Variants in HSD3B2 observed in about 807,000 individuals in gnomAD.
The protein encoded by HSD3B2 is hydroxy-delta-5-steroid dehydrogenase, 3 beta- and steroid delta-isomerase 2, also known as 3 beta-hydroxysteroid dehydrogenase/Delta 5-->4-isomerase type 2.
In HSD3B2, 8 loss-of-function variants were observed where a neutral mutation model predicts 9.9. That is an observed-to-expected ratio of 0.81 (90% CI 0.47 to 1.46). HSD3B2 has a LOEUF of 1.46. HSD3B2 is among the 40% of genes most tolerant of loss of function. The pLI, the probability that HSD3B2 is intolerant of heterozygous loss-of-function variation, is 0.00. For synonymous variants in HSD3B2, 221 were observed against 184.5 expected (o/e 1.20, Z -1.60); for missense variants, 410 against 448.3 (o/e 0.91, Z 0.77).
At chr1:119,421,445 ATATATATG>A (rs1190402906) in intron 3 of HSD3B2, among the ~76,000 whole-genome samples, 7 of 11,486 alleles carry the variant, frequency 6.1e-4, no homozygotes, top group African/African-American at 3.1e-3. Context: ...ATATATGTAT[ATATATATG>A]TATATATATA....
Position 119,422,020 on chromosome 1 carries a change from A to G in HSD3B2, c.519A>G (p.Leu173=). 6.2e-7 allele frequency: 1 copy of G among 1,614,084 alleles called. No homozygotes were observed. The highest frequency in any genetic ancestry group is 8.5e-7 in the Non-Finnish European group (1 of 1,179,986). Residue 173 remains leucine, a synonymous_variant, in exon 4 of 4, where the codon CTA becomes CTG. Coordinates refer to ENST00000369416, the MANE Select transcript of HSD3B2 (RefSeq NM_000198.4). Reference sequence around the variant, plus strand: ...TGCTGGCGGCTAATGGGTGGAATCTAAAAAATGGTGATACCTTGTACACTT... The same window carrying G: ...TGCTGGCGGCTAATGGGTGGAATCTGAAAAATGGTGATACCTTGTACACTT... ...KAVLAANGWN[L]KNGDTLYTCA... is the part of the protein sequence containing the mutation.
chr1:119,415,202 G>A lies in HSD3B2; in HGVS notation c.-90G>A, dbSNP rs892246244. On this transcript the variant is annotated splice_region_variant and 5_prime_UTR_variant, in exon 1 of 4. Coordinates refer to ENST00000369416, the MANE Select transcript of HSD3B2 (RefSeq NM_000198.4). ...TCCAGCTTTTAACAATCTAAGTTAC[G>A]GTTAGAGCTTTCTCCTTTTCTTTCA... 24 of 539,654 alleles carry A rather than the reference G, an allele frequency of 4.4e-5. No homozygotes were observed. In the East Asian group the frequency reaches 5.0e-4, roughly 11 times the overall value. 33.4% of individuals were successfully genotyped at this position (539,654 alleles called of 1,614,324 possible).
At chr1:119,421,411 ATATATG>A (rs1184514203) in intron 3 of HSD3B2, among the ~76,000 whole-genome samples, 14 of 32,890 alleles carry the variant, frequency 4.3e-4, no homozygotes, top group African/African-American at 2.6e-3. Flanking sequence ...ATGTATATAT[ATATATG>A]TATATATATG....
At position 119,419,433 on chromosome 1, in the gene HSD3B2, C is replaced by T; in HGVS notation, c.158C>T (p.Thr53Ile). 1 of 1,613,730 alleles carries T rather than the reference C, an allele frequency of 6.2e-7. No individual in the cohort carries two copies. The highest frequency in any genetic ancestry group is 8.5e-7 in the Non-Finnish European group (1 of 1,179,768). Reference protein sequence around the residue: ...REEFSKLQNRTKLTVLEGDIL... With the variant: ...REEFSKLQNRIKLTVLEGDIL... ...GTTCACACAGAGCTCCAGAACAGGA[C>T]CAAGCTGACTGTACTTGAAGGAGAC... Residue 53 changes from threonine to isoleucine, a missense_variant, in exon 3 of 4, where the codon ACC becomes ATC. Coordinates refer to ENST00000369416, the MANE Select transcript of HSD3B2 (RefSeq NM_000198.4).
At position 119,422,654 on chromosome 1, in the gene HSD3B2, G is replaced by A; in HGVS notation, c.*34G>A. 1.2e-6 allele frequency: 2 copies of A among 1,610,718 alleles called. No individual in the cohort carries two copies. Among genetic ancestry groups the A allele is most frequent in the Non-Finnish European group, 1.7e-6 (2 of 1,179,022 alleles). ...TGACAGAGATGTGCATGTGGGTATTGTTAGGAAATGTCATCAAACTCCACC... is the reference window on the plus strand; with the variant it reads ...TGACAGAGATGTGCATGTGGGTATTATTAGGAAATGTCATCAAACTCCACC... On this transcript the variant is annotated 3_prime_UTR_variant, in exon 4 of 4. Coordinates refer to ENST00000369416, the MANE Select transcript of HSD3B2 (RefSeq NM_000198.4).
chr1:119,415,241 G>A, intron 1 of HSD3B2, 39 bp downstream of exon 1: 2 of 648,782 alleles, frequency 3.1e-6, no homozygotes, highest in Non-Finnish European at 5.6e-6. Flanking sequence ...ACTCCTGGCA[G>A]TTGTGGGGTC....
At chr1:119,415,668 G>T in intron 2 of HSD3B2, 107 bp downstream of exon 2, 1 of 1,174,486 alleles carries the variant, frequency 8.5e-7, no homozygotes, top group African/African-American at 1.5e-5. Flanking sequence ...CCAAATGAAA[G>T]CCAGTCACAC....
In HSD3B2 at chr1:119,422,203, G is replaced by A; in HGVS notation, c.702G>A (p.Leu234=). The change falls in exon 4 of 4, where the codon CTG becomes CTA. Residue 234 remains leucine, a synonymous_variant. Coordinates refer to ENST00000369416, the MANE Select transcript of HSD3B2 (RefSeq NM_000198.4). Reference sequence around the variant, plus strand: ...GCAACGTGGCCTGGGCCCACATTCTGGCCTTGAGGGCTCTGCGGGACCCCA... The same window carrying A: ...GCAACGTGGCCTGGGCCCACATTCTAGCCTTGAGGGCTCTGCGGGACCCCA... ...YVGNVAWAHI[L]ALRALRDPKK... 1 of 1,614,100 alleles carries A rather than the reference G, an allele frequency of 6.2e-7. No homozygotes were observed. Among genetic ancestry groups the A allele is most frequent in the Non-Finnish European group, 8.5e-7 (1 of 1,180,014 alleles).
In HSD3B2 at chr1:119,422,493, A is replaced by T. The variant is rs766077589; in HGVS notation, c.992A>T (p.Lys331Met). 1.2e-6 allele frequency: 2 copies of T among 1,613,960 alleles called. No individual in the cohort carries two copies. Among genetic ancestry groups the T allele is most frequent in the African/African-American group, 2.7e-5 (2 of 74,910 alleles). ...AATAGTGTGTTCACCTTCTCTTACA[A>T]GAAGGCTCAGCGAGATCTGGCGTAT... The part of the protein sequence containing the change: ...LSNSVFTFSY[K>M]KAQRDLAYKP... The change falls in exon 4 of 4, where the codon AAG becomes ATG. Residue 331 changes from lysine to methionine, a missense_variant. Coordinates refer to ENST00000369416, the MANE Select transcript of HSD3B2 (RefSeq NM_000198.4).
chr1:119,420,506 G>T (rs1048039133), intron 3 of HSD3B2, among the ~76,000 whole-genome samples: 1 of 152,088 alleles, frequency 6.6e-6, no homozygotes, highest in Non-Finnish European at 1.5e-5. Flanking sequence ...AGAGTGAATA[G>T]TTTTTTGTTT....
intron 3 of HSD3B2, chr1:119,419,968 C>G: frequency 6.2e-6 from 2 of 320,890 alleles, no homozygotes; most frequent in South Asian, 5.8e-5. Context: ...AGAATCAGAC[C>G]TTCCAGGTGC....
Position 119,422,114 on chromosome 1 carries a change from C to A in HSD3B2, c.613C>A (p.Leu205Met), listed in dbSNP as rs138811555. 6.2e-7 allele frequency: 1 copy of A among 1,614,092 alleles called. No homozygotes were observed. The highest frequency in any genetic ancestry group is 1.7e-5 in the Admixed American group (1 of 60,016). ...CCTTTCTGCCAGTATAAATGAGGCC[C>A]TGAACAACAATGGGATCCTGTCAAG... ...PFLSASINEA[L>M]NNNGILSSVG... is the part of the protein sequence containing the mutation. Residue 205 changes from leucine (L) to methionine (M), a missense_variant, in exon 4 of 4, where the codon CTG becomes ATG. Physicochemically the swap from Leu to Met is conservative, Grantham distance 15. Transcript: ENST00000369416.
chr1:119,421,391 GTATA>G (rs1170102410), intron 3 of HSD3B2, among the ~76,000 whole-genome samples: 1 of 110,796 alleles, frequency 9.0e-6, no homozygotes, highest in Non-Finnish European at 1.8e-5. Context: ...ATATATATAT[GTATA>G]TATATATGTA....
chr1:119,417,891 C>G (rs895454462), intron 2 of HSD3B2, among the ~76,000 whole-genome samples: 5 of 152,148 alleles, frequency 3.3e-5, no homozygotes, highest in South Asian at 4.1e-4. Flanking sequence ...AGAAAATTGA[C>G]TTTAGATCTG....
intron 1 of HSD3B2, 56 bp from the exon 2 acceptor site, chr1:119,415,275 G>T: frequency 3.7e-6 from 3 of 801,510 alleles, no homozygotes; most frequent in Non-Finnish European, 6.4e-6. Flanking sequence ...AAAAAATGGG[G>T]TGGAGGAAAA....
chr1:119,417,116 G>C (rs763752899), intron 2 of HSD3B2, among the ~76,000 whole-genome samples: 1 of 152,154 alleles, frequency 6.6e-6, no homozygotes, highest in African/African-American at 2.4e-5. Context: ...GACACAGAGA[G>C]GTTAATCAAC....
Position 119,422,564 on chromosome 1 carries a change from T to C in HSD3B2, c.1063T>C (p.Trp355Arg), listed in dbSNP as rs1651921044. The change falls in exon 4 of 4, where the codon TGG becomes CGG. Residue 355 changes from tryptophan (W) to arginine (R), a missense_variant. Physicochemically the swap from Trp to Arg is moderately radical, Grantham distance 101 (BLOSUM62 -3). Coordinates refer to ENST00000369416, the MANE Select transcript of HSD3B2 (RefSeq NM_000198.4). The stretch of plus-strand genomic sequence containing the variant: ...GGAAGCCAAGCAGAAAACCGTGGAG[T>C]GGGTTGGTTCCCTTGTGGACCGGCA... ...WEEAKQKTVE[W>R]VGSLVDRHKE... The C allele has an allele frequency of 6.2e-7, 1 of 1,613,554 alleles. No homozygotes were observed. Among genetic ancestry groups the C allele is most frequent in the African/African-American group, 1.3e-5 (1 of 74,748 alleles).
In HSD3B2 at chr1:119,421,924, C is replaced by T. The variant is rs751470493; in HGVS notation, c.423C>T (p.His141=). 2.6e-5 allele frequency: 42 copies of T among 1,613,530 alleles called. No individual in the cohort carries two copies. Among genetic ancestry groups the T allele is most frequent in the African/African-American group, 2.3e-4 (17 of 74,962 alleles). Residue 141 remains histidine, a synonymous_variant, in exon 4 of 4, where the codon CAC becomes CAT. Coordinates refer to ENST00000369416, the MANE Select transcript of HSD3B2 (RefSeq NM_000198.4). ...ACAAGGAAATCATCCAGAACGGCCA[C>T]GAAGAAGAGCCTCTGGAAAACACAT... ...NSYKEIIQNG[H]EEEPLENTWP... is the part of the protein sequence containing the mutation.
Position 119,415,453 on chromosome 1 carries a change from G to C in HSD3B2, c.34G>C (p.Gly12Arg). 6.2e-7 allele frequency: 1 copy of C among 1,614,004 alleles called. No individual in the cohort carries two copies. The highest frequency in any genetic ancestry group is 8.5e-7 in the Non-Finnish European group (1 of 1,179,916). ...GWSCLVTGAG[G>R]LLGQRIVRLL... ...GAGCTGCCTTGTGACAGGAGCAGGA[G>C]GGCTTCTGGGTCAGAGGATCGTCCG... Residue 12 changes from glycine (G) to arginine (R), a missense_variant, in exon 2 of 4, where the codon GGG becomes CGG. Gly to Arg is a moderately radical substitution (Grantham distance 125, BLOSUM62 -2). Coordinates refer to ENST00000369416, the MANE Select transcript of HSD3B2 (RefSeq NM_000198.4).
Sources: gnomAD v4.1 joint callset for allele counts (sites outside exome capture counted in the v4.1 genomes callset) on GRCh38, gnomAD v4.1.1 for gene constraint, MANE v1.5 for transcripts, NCBI Gene and HGNC (gene_info 2026-07-23, HGNC 2026-07-21) for gene names.